The following LYZL1 variants were observed in gnomAD, a reference collection of about 807,000 sequenced individuals.
LYZL1 encodes lysozyme-like protein 1.
LYZL1 carries 16 observed loss-of-function variants against 17.9 expected under a neutral mutation model. The ratio of observed to expected loss-of-function variants is 0.90; its 90% CI spans 0.61 to 1.36. LYZL1 has a LOEUF of 1.36. Among genes scored for constraint, LYZL1 ranks in the 40% most tolerant of loss-of-function variants. LYZL1 has a pLI of 0.00. For synonymous variants in LYZL1, 58 were observed against 71.8 expected (o/e 0.81, Z 0.97); for missense variants, 149 against 188.4 (o/e 0.79, Z 1.22).
At chr10:29,297,093 A>C (rs1588658836) in intron 3 of LYZL1, among the ~76,000 whole-genome samples, 1 of 151,966 alleles carries the variant, frequency 6.6e-6, no homozygotes, top group South Asian at 2.1e-4. Context: ...TGAAAAAAAA[A>C]AAAAAAGAGA....
At chr10:29,312,075 G>A (rs1835679738), downstream of LYZL1, among the ~76,000 whole-genome samples, 2 of 152,212 alleles carry the variant, frequency 1.3e-5, no homozygotes, top group South Asian at 4.1e-4. Context: ...CAAGGTAGGA[G>A]GACTGTTTAA....
downstream of LYZL1, among the ~76,000 whole-genome samples, chr10:29,314,672 A>T (rs1330440602): frequency 6.6e-6 from 1 of 152,226 alleles, no homozygotes; most frequent in East Asian, 1.9e-4. Context: ...ACACATGTGG[A>T]ATCACAGAAA....
chr10:29,313,185 C>T (rs928874325), downstream of LYZL1, among the ~76,000 whole-genome samples: 1 of 152,056 alleles, frequency 6.6e-6, no homozygotes, highest in Non-Finnish European at 1.5e-5. Flanking sequence ...GCATTATAAA[C>T]CCTGAGGGAA....
chr10:29,307,552 C>G (rs1835612601), intron 3 of LYZL1, among the ~76,000 whole-genome samples: 1 of 152,206 alleles, frequency 6.6e-6, no homozygotes, highest in African/African-American at 2.4e-5. Flanking sequence ...GTTGCTAATG[C>G]CTGCCATATT....
chr10:29,298,537 G>T (rs74131331), intron 3 of LYZL1, among the ~76,000 whole-genome samples: 2 of 152,120 alleles, frequency 1.3e-5, no homozygotes, highest in African/African-American at 4.8e-5. Context: ...GAGTGGATCC[G>T]TCAGGGCAAA....
downstream of LYZL1, among the ~76,000 whole-genome samples, chr10:29,313,913 A>G (rs16930159): frequency 0.084 from 12,755 of 152,178 alleles, 625 homozygotes; most frequent in South Asian, 0.13. Flanking sequence ...ATGTGGGTAC[A>G]TTCTTTCTGT....
intron 3 of LYZL1, among the ~76,000 whole-genome samples, chr10:29,293,240 C>T (rs986440477): frequency 6.6e-6 from 1 of 150,428 alleles, no homozygotes; most frequent in Non-Finnish European, 1.5e-5. Context: ...CCAAGTGATC[C>T]TCCCTCCTCT....
intron 3 of LYZL1, among the ~76,000 whole-genome samples, chr10:29,304,420 A>AT (rs1269744635): frequency 6.6e-6 from 1 of 152,126 alleles, no homozygotes; most frequent in Non-Finnish European, 1.5e-5. Flanking sequence ...GGGGAAAGAG[A>AT]TGAACATCGA....
At chr10:29,312,891 C>G (rs1835689724), downstream of LYZL1, among the ~76,000 whole-genome samples, 1 of 152,140 alleles carries the variant, frequency 6.6e-6, no homozygotes, top group African/African-American at 2.4e-5. Flanking sequence ...AAAATGCCTT[C>G]AATTGATGTT....
At position 29,291,784 on chromosome 10, in the gene LYZL1, G is replaced by T. The variant is rs534305238; in HGVS notation, c.-25-59G>T. The T allele has an allele frequency of 5.9e-6, 9 of 1,520,974 alleles. 2 individuals are homozygous for T. The highest frequency in any genetic ancestry group is 2.0e-4 in the Middle Eastern group (1 of 5,024). The allele number at this position is 1,520,974 out of a possible 1,614,324, so 94.2% of individuals were successfully genotyped here. A position where few individuals can be genotyped will look rare whatever the true frequency, so the allele number is the denominator to read the frequency against. On this transcript the variant is annotated intron_variant, in intron 1 of 4. Coordinates refer to ENST00000649382, the MANE Select transcript of LYZL1 (RefSeq NM_032517.6). ...GGCAGGGCTGTGCACAGTCACCACC[G>T]CTGGATTTCAAAGTTCCTGAACCAA...
rs11539394 is a variant in LYZL1 at position 29,310,152 on chromosome 10, G to C, written c.341G>C (p.Arg114Thr). 2 of 1,612,520 alleles carry C rather than the reference G, an allele frequency of 1.2e-6. No individual in the cohort carries two copies. The highest frequency in any genetic ancestry group is 4.5e-5 in the East Asian group (2 of 44,850). Residue 114 changes from arginine to threonine, a missense_variant, in exon 4 of 5, where the codon AGG (arginine) becomes ACG (threonine). Arg to Thr is a moderately conservative substitution (Grantham distance 71). Coordinates refer to ENST00000649382, the MANE Select transcript of LYZL1 (RefSeq NM_032517.6). ...DDLTDAIICA[R>T]KIVKETQGMN... ...CTCACAGATGCAATTATCTGTGCCA[G>C]GAAAATTGTTAAAGAGACACAAGGA...
intron 1 of LYZL1, among the ~76,000 whole-genome samples, chr10:29,289,904 T>C (rs539392504): frequency 3.9e-5 from 6 of 152,324 alleles, no homozygotes; most frequent in East Asian, 1.9e-4. Flanking sequence ...ACCAATGATA[T>C]ATTACCAAAT....
Position 29,303,416 on chromosome 10 carries a change from C to T in LYZL1, c.299-6694C>T, listed in dbSNP as rs147564540. Among the ~76,000 whole-genome samples, 225 of 152,166 alleles carry T rather than the reference C, an allele frequency of 1.5e-3. 1 individual carries two copies. Among genetic ancestry groups the T allele is most frequent in the African/African-American group, 5.2e-3 (214 of 41,528 alleles). On this transcript the variant is annotated intron_variant, in intron 3 of 4. Transcript: ENST00000649382. The stretch of plus-strand genomic sequence containing the variant: ...TCCTGCATTGCCAGTTGTCCATATC[C>T]GAAAACAATTTTTCATCTATTTTGT...
chr10:29,294,623 T>C (rs1249335765), intron 3 of LYZL1, among the ~76,000 whole-genome samples: 1 of 152,212 alleles, frequency 6.6e-6, no homozygotes, highest in African/African-American at 2.4e-5. Flanking sequence ...TAAATGTTTA[T>C]TGAATAAATG....
At chr10:29,300,494 T>C (rs973967427) in intron 3 of LYZL1, among the ~76,000 whole-genome samples, 1 of 152,170 alleles carries the variant, frequency 6.6e-6, no homozygotes, top group Non-Finnish European at 1.5e-5. Flanking sequence ...AATCCATTTT[T>C]ATTATCTTTG....
intron 1 of LYZL1, 108 bp downstream of exon 1, chr10:29,289,338 GAGATCAGTAA>G: frequency 1.2e-6 from 1 of 867,650 alleles, no homozygotes; most frequent in Non-Finnish European, 1.6e-6. Context: ...GGACTTGTTT[GAGATCAGTAA>G]AATTCTAAGG....
chr10:29,298,472 C>T (rs550340710), intron 3 of LYZL1, among the ~76,000 whole-genome samples: 91 of 152,284 alleles, frequency 6.0e-4, no homozygotes, highest in Admixed American at 1.5e-3. Context: ...AGACCATTGA[C>T]GGCAACTGTG....
intron 3 of LYZL1, among the ~76,000 whole-genome samples, chr10:29,306,239 T>C (rs1159832053): frequency 6.6e-6 from 1 of 152,040 alleles, no homozygotes. Flanking sequence ...ATAAAGTATC[T>C]GAAATGTAGC....
chr10:29,315,131 G>A (rs561038021), downstream of LYZL1, among the ~76,000 whole-genome samples: 8 of 152,298 alleles, frequency 5.3e-5, no homozygotes, highest in Admixed American at 2.0e-4. Context: ...AAAATAGAAG[G>A]AAAATGCTCT....
Sources: gnomAD v4.1 joint callset for allele counts (sites outside exome capture counted in the v4.1 genomes callset) on GRCh38, gnomAD v4.1.1 for gene constraint, MANE v1.5 for transcripts, NCBI Gene and HGNC (gene_info 2026-07-23, HGNC 2026-07-21) for gene names.